MYOM1: variants seen among roughly 807,000 people sequenced by gnomAD.
The protein encoded by MYOM1 is myomesin-1.
A neutral mutation model predicts 205.3 loss-of-function variants in MYOM1; 164 were observed. The observed-to-expected ratio is 0.80, with a 90% CI of 0.70 to 0.91. The LOEUF is 0.91. Ranked by LOEUF, MYOM1 falls within the 40% of genes least tolerant of loss-of-function variation. The pLI, the probability that MYOM1 is intolerant of heterozygous loss-of-function variation, is 0.00. For missense variants in MYOM1, 2,011 were observed against 2,127.3 expected (o/e 0.95, Z 1.08); for synonymous variants, 772 against 789.4 (o/e 0.98, Z 0.37).
chr18:3,155,229 A>ATTT, intron 10 of MYOM1, 141 bp from the exon 11 acceptor site: 1 of 822,818 alleles, frequency 1.2e-6, no homozygotes. Flanking sequence ...AAATCTTGCT[A>ATTT]TTTTTTTTTT....
rs2080231246 is a variant in MYOM1 at position 3,152,058 on chromosome 18, CTCAAATGCACTG to C, written c.1644-177_1644-166del. On this transcript the variant is annotated intron_variant, in intron 11 of 37. Transcript: ENST00000356443. This position sits in a 1 kb window ranked among gnomAD's most constrained non-coding sequence, Gnocchi z 4.3. The stretch of plus-strand genomic sequence containing the variant: ...AACTGCATGCAGGCACTCCGTTTCA[CTCAAATGCACTG>C]TGTCTTCTTTACCAAGAGGAAAGAA... Among the ~76,000 whole-genome samples the C allele has an allele frequency of 6.6e-6, 1 of 152,228 alleles. No individual in the cohort carries two copies. Among genetic ancestry groups the C allele is most frequent in the Admixed American group, 6.5e-5 (1 of 15,286 alleles).
chr18:3,123,626 G>GT (rs985797720), intron 19 of MYOM1, among the ~76,000 whole-genome samples: 1 of 150,386 alleles, frequency 6.6e-6, no homozygotes, highest in South Asian at 2.1e-4. Context: ...TTGAATGTAA[G>GT]TTTTTTTATT....
At chr18:3,243,432 G>C in the MYOM1 span, among the ~76,000 whole-genome samples, 6 of 152,170 alleles carry the variant, frequency 3.9e-5, no homozygotes, top group Non-Finnish European at 7.4e-5. Flanking sequence ...GATCCATTCT[G>C]CTATGCTTCC....
intron 5 of MYOM1, among the ~76,000 whole-genome samples, chr18:3,186,714 AAAAT>A (rs986631395): frequency 1.3e-5 from 2 of 152,026 alleles, no homozygotes; most frequent in African/African-American, 2.4e-5. Flanking sequence ...TCTGGTAAAA[AAAAT>A]AAATAAATAA....
intron 2 of MYOM1, among the ~76,000 whole-genome samples, chr18:3,197,669 C>G (rs553973073): frequency 5.4e-4 from 82 of 151,816 alleles, no homozygotes; most frequent in Non-Finnish European, 8.5e-4. Context: ...GTCAGGAGAT[C>G]GAGACCATCC....
chr18:3,232,693 T>C, the MYOM1 span, among the ~76,000 whole-genome samples: 1 of 152,256 alleles, frequency 6.6e-6, no homozygotes, highest in African/African-American at 2.4e-5. Flanking sequence ...TACAATTCTA[T>C]TCAACTTATT....
chr18:3,112,857 G>A (rs1402693007), intron 21 of MYOM1, among the ~76,000 whole-genome samples: 1 of 152,142 alleles, frequency 6.6e-6, no homozygotes, highest in Non-Finnish European at 1.5e-5. Context: ...TGGCAAAAGA[G>A]GAGAATTAAA....
the MYOM1 span, among the ~76,000 whole-genome samples, chr18:3,229,213 T>A: frequency 2.0e-5 from 3 of 152,220 alleles, no homozygotes; most frequent in South Asian, 4.1e-4. Context: ...TAGAGTGGGA[T>A]TGGAAGAGTG....
At chr18:3,160,384 C>T (rs2080373631) in intron 10 of MYOM1, among the ~76,000 whole-genome samples, 1 of 152,054 alleles carries the variant, frequency 6.6e-6, no homozygotes, top group Non-Finnish European at 1.5e-5. Context: ...TGGGGTCTTG[C>T]TATGTGGCCC....
intron 2 of MYOM1, among the ~76,000 whole-genome samples, chr18:3,207,397 G>C (rs1053333154): frequency 6.6e-6 from 1 of 152,190 alleles, no homozygotes; most frequent in African/African-American, 2.4e-5. Flanking sequence ...ATAGTATCAG[G>C]AGATGCCTTA....
rs201092091 is a variant in MYOM1, at chr18:3,116,343, G to C, written c.3291C>G (p.Asn1097Lys). 17 of 1,611,156 alleles carry C rather than the reference G, an allele frequency of 1.1e-5. No homozygotes were observed. The highest frequency in any genetic ancestry group is 2.7e-5 in the African/African-American group (2 of 74,840). The change falls in exon 21 of 38, where the codon AAC becomes AAG. Residue 1097 changes from asparagine (N) to lysine (K), a missense_variant. Coordinates refer to ENST00000356443, the MANE Select transcript of MYOM1 (RefSeq NM_003803.4). ...AGCAGCCTCTTACCTTCAGGTATAC[G>C]TTTTTAATAGCCGCCTCATTGAGCC... ...WRGLNEAAIK[N>K]VYLKVRGLKE...
Position 3,215,044 on chromosome 18 carries a change from G to A in MYOM1, c.180C>T (p.Ala60=), listed in dbSNP as rs544500718. The change falls in exon 2 of 38, where the codon GCC becomes GCT. Residue 60 remains alanine (A), a synonymous_variant. Transcript: ENST00000356443. The part of the protein sequence containing the change: ...SSAAHRRESE[A]FRRASASSSQ... ...AGGAGGAGGCGGACGCCCGACGGAA[G>A]GCCTCGGACTCCCGGCGGTGCGCGG... is the stretch of plus-strand genomic sequence containing the variant. 4 of 1,613,066 alleles carry A rather than the reference G, an allele frequency of 2.5e-6. No homozygotes were observed. The highest frequency in any genetic ancestry group is 3.3e-5 in the Admixed American group (2 of 59,978).
intron 10 of MYOM1, among the ~76,000 whole-genome samples, chr18:3,159,857 A>T (rs2080355650): frequency 6.6e-6 from 1 of 151,710 alleles, no homozygotes; most frequent in South Asian, 2.1e-4. Context: ...TTTTGGGGTG[A>T]TGTAAATTTT....
At chr18:3,087,129 C>A (rs989013514) in intron 29 of MYOM1, among the ~76,000 whole-genome samples, 1 of 152,096 alleles carries the variant, frequency 6.6e-6, no homozygotes, top group African/African-American at 2.4e-5. Context: ...ACATTGCTTA[C>A]GATAAAAATG....
At chr18:3,103,487 T>A (rs902310230) in intron 22 of MYOM1, among the ~76,000 whole-genome samples, 1 of 152,218 alleles carries the variant, frequency 6.6e-6, no homozygotes, top group African/African-American at 2.4e-5. Flanking sequence ...AACATTCACA[T>A]CTATGCCTAA....
chr18:3,208,252 G>C (rs1239648025), intron 2 of MYOM1, among the ~76,000 whole-genome samples: 3 of 152,214 alleles, frequency 2.0e-5, no homozygotes, highest in Admixed American at 2.0e-4. Context: ...GCACACACCT[G>C]TAATCCCAGC....
intron 21 of MYOM1, among the ~76,000 whole-genome samples, chr18:3,114,544 ATTTT>A (rs5822738): frequency 1.2e-4 from 11 of 88,374 alleles, no homozygotes; most frequent in Admixed American, 1.5e-4. Context: ...TGGTCAGCTA[ATTTT>A]TTTTTTTTTT....
intron 20 of MYOM1, among the ~76,000 whole-genome samples, 158 bp from the exon 21 acceptor site, chr18:3,116,673 A>C (rs980911286): frequency 1.3e-5 from 2 of 152,146 alleles, no homozygotes; most frequent in African/African-American, 4.8e-5. Context: ...TGGTCATTTC[A>C]CAACGTTTTC....
chr18:3,113,934 T>C (rs1268399042), intron 21 of MYOM1, among the ~76,000 whole-genome samples: 1 of 152,234 alleles, frequency 6.6e-6, no homozygotes, highest in African/African-American at 2.4e-5. Flanking sequence ...ATCTAACTAA[T>C]TGTATTTGTT....
Sources: gnomAD v4.1 joint callset for allele counts (sites outside exome capture counted in the v4.1 genomes callset) on GRCh38, gnomAD v4.1.1 for gene constraint, Gnocchi (gnomAD v3.1) non-coding constraint, MANE v1.5 for transcripts, NCBI Gene and HGNC (gene_info 2026-07-23, HGNC 2026-07-21) for gene names.